GLRA2: variants seen among roughly 807,000 people sequenced by gnomAD.
GLRA2 encodes glycine receptor alpha 2.
Under a neutral mutation model 31.6 loss-of-function variants are expected in GLRA2, and 11 were observed. The ratio of observed to expected loss-of-function variants is 0.35; its 90% CI spans 0.22 to 0.58. The LOEUF is 0.58. GLRA2 is among the 20% of genes least tolerant of loss of function. The probability of loss-of-function intolerance (pLI) is 0.84; values close to 1 mark genes in which losing one functional copy is unlikely to be tolerated. For missense variants in GLRA2, 212 were observed against 351.8 expected (o/e 0.60, Z 3.18); for synonymous variants, 132 against 134.0 (o/e 0.99, Z 0.10).
chrX:14,613,012 T>A (rs1264596585), intron 7 of GLRA2, among the ~76,000 whole-genome samples: 1 of 111,175 alleles, frequency 9.0e-6, no homozygotes, highest in African/African-American at 3.3e-5. Context: ...TTTTGAAACA[T>A]AGGCCTTGAT....
chrX:14,570,652 T>C (rs898198266), intron 2 of GLRA2, among the ~76,000 whole-genome samples: 10 of 111,387 alleles, frequency 9.0e-5, no homozygotes, highest in African/African-American at 3.3e-4. Flanking sequence ...ATATGAAGAA[T>C]AGCACTATTC....
At chrX:14,481,726 A>G in the GLRA2 span, among the ~76,000 whole-genome samples, 1 of 111,259 alleles carries the variant, frequency 9.0e-6, no homozygotes, top group East Asian at 2.8e-4. Context: ...TAAGATCCAT[A>G]AAAATACTCT....
chrX:14,672,570 G>GT (rs113393692), intron 7 of GLRA2, among the ~76,000 whole-genome samples: 31,617 of 110,369 alleles, frequency 0.29, 3,536 homozygotes, highest in Non-Finnish European at 0.35. Flanking sequence ...TGTGCTTCTG[G>GT]TTTTTTTGTT....
At chrX:14,527,891 G>C (rs1043283137), upstream of GLRA2, among the ~76,000 whole-genome samples, 2 of 111,958 alleles carry the variant, frequency 1.8e-5, no homozygotes, top group African/African-American at 6.5e-5. Flanking sequence ...GAACAGATTT[G>C]AAGCTGCAGT....
At chrX:14,523,744 C>T in the GLRA2 span, among the ~76,000 whole-genome samples, 2 of 111,735 alleles carry the variant, frequency 1.8e-5, no homozygotes, top group African/African-American at 3.3e-5. Flanking sequence ...ACACATACAA[C>T]ATTGATCGAT....
chrX:14,477,635 C>T, the GLRA2 span, among the ~76,000 whole-genome samples: 1 of 111,659 alleles, frequency 9.0e-6, no homozygotes. Context: ...GCTTATGGGA[C>T]TTGAGTAGGA....
At chrX:14,459,630 T>A in the GLRA2 span, among the ~76,000 whole-genome samples, 26 of 111,830 alleles carry the variant, frequency 2.3e-4, no homozygotes, top group South Asian at 1.1e-3. Context: ...ATTCCCTTTG[T>A]AGCAATTGTG....
the GLRA2 span, among the ~76,000 whole-genome samples, chrX:14,471,947 G>T: frequency 1.8e-5 from 2 of 111,930 alleles, no homozygotes; most frequent in East Asian, 2.8e-4. Flanking sequence ...TGGGAGTGGA[G>T]GTTGGGGTTC....
intron 4 of GLRA2, among the ~76,000 whole-genome samples, chrX:14,602,666 G>A (rs960131808): frequency 2.6e-4 from 29 of 111,543 alleles, no homozygotes; most frequent in African/African-American, 9.1e-4. Context: ...ACTTATGAGT[G>A]AGAACATGTG....
intron 2 of GLRA2, among the ~76,000 whole-genome samples, chrX:14,560,296 C>T (rs1405333364): frequency 8.9e-6 from 1 of 111,983 alleles, no homozygotes; most frequent in Non-Finnish European, 1.9e-5. Context: ...GTGAAAATGC[C>T]ACTTTTTTCT....
At chrX:14,579,209 T>G (rs1238238617) in intron 3 of GLRA2, among the ~76,000 whole-genome samples, 1 of 111,855 alleles carries the variant, frequency 8.9e-6, no homozygotes, top group African/African-American at 3.2e-5. Context: ...AGACTGTGGG[T>G]CCCCTTTCAT....
intron 4 of GLRA2, among the ~76,000 whole-genome samples, chrX:14,586,610 T>G (rs1395908597): frequency 8.9e-6 from 1 of 112,201 alleles, no homozygotes; most frequent in African/African-American, 3.2e-5. Context: ...AAATTCACAT[T>G]ACTTACAATG....
At chrX:14,582,057 C>CTT (rs374540955) in intron 4 of GLRA2, among the ~76,000 whole-genome samples, 39 of 103,941 alleles carry the variant, frequency 3.8e-4, no homozygotes, top group Admixed American at 1.2e-3. Flanking sequence ...ATAGCAGTTT[C>CTT]TTTTTTTTTT....
intron 7 of GLRA2, among the ~76,000 whole-genome samples, chrX:14,684,392 A>G (rs2091251070): frequency 8.9e-6 from 1 of 111,753 alleles, no homozygotes; most frequent in Admixed American, 9.5e-5. Flanking sequence ...CATTGAATCT[A>G]TAAATTACCT....
At chrX:14,703,554 A>C (rs1175489911) in intron 8 of GLRA2, among the ~76,000 whole-genome samples, 2 of 111,769 alleles carry the variant, frequency 1.8e-5, no homozygotes, top group Non-Finnish European at 3.8e-5. Flanking sequence ...GTAGGATAAC[A>C]TATTCACAGG....
At chrX:14,626,282 C>A (rs973709097) in intron 7 of GLRA2, among the ~76,000 whole-genome samples, 2 of 112,017 alleles carry the variant, frequency 1.8e-5, no homozygotes, top group Non-Finnish European at 3.8e-5. Flanking sequence ...AATTTTAAGT[C>A]CCATCACATT....
chrX:14,580,662 A>C (rs1021633299), intron 3 of GLRA2, among the ~76,000 whole-genome samples: 1 of 112,357 alleles, frequency 8.9e-6, no homozygotes, highest in Non-Finnish European at 1.9e-5. Flanking sequence ...TCAACATGAA[A>C]GATCTTAATG....
At chrX:14,507,972 G>A in the GLRA2 span, among the ~76,000 whole-genome samples, 1 of 110,565 alleles carries the variant, frequency 9.0e-6, no homozygotes, top group African/African-American at 3.3e-5. Flanking sequence ...GGGATTACAG[G>A]CGTGAGCCAC....
Position 14,730,515 on chromosome X carries a change from G to T in GLRA2, c.*30G>T. ...GCCCTACAGACCCTGGGACCTTCTT[G>T]CCTCAGTGTTGTGCTTGTAAATACA... On this transcript the variant is annotated 3_prime_UTR_variant, in exon 9 of 9. Coordinates refer to ENST00000218075, the MANE Select transcript of GLRA2 (RefSeq NM_002063.4). 2 of 1,059,244 alleles carry T rather than the reference G, an allele frequency of 1.9e-6. No homozygotes were observed. Among genetic ancestry groups the T allele is most frequent in the Non-Finnish European group, 2.6e-6 (2 of 779,694 alleles). 87.3% of individuals were successfully genotyped at this position (1,059,244 alleles called of 1,213,427 possible).
Sources: allele counts gnomAD v4.1 joint callset (sites outside exome capture counted in the v4.1 genomes callset), GRCh38; gene constraint gnomAD v4.1.1; transcripts MANE v1.5; gene names NCBI Gene and HGNC (gene_info 2026-07-23, HGNC 2026-07-21).